The following DPP6 variants were observed in gnomAD, a reference collection of about 807,000 sequenced individuals.
DPP6 encodes the protein A-type potassium channel modulatory protein DPP6.
Under a neutral mutation model 122.6 loss-of-function variants are expected in DPP6, and 69 were observed. The observed-to-expected ratio is 0.56, with a 90% confidence interval of 0.46 to 0.69. The LOEUF (loss-of-function observed/expected upper bound fraction) is 0.69, where lower values mean the gene tolerates loss of function less well. DPP6 is among the 30% of genes least tolerant of loss of function. DPP6 has a pLI of 0.00. For synonymous variants in DPP6, 418 were observed against 433.1 expected, an observed-to-expected ratio of 0.97 and a Z score of 0.43; for missense variants, 928 against 1,116.9, an observed-to-expected ratio of 0.83 and a Z score of 2.41.
rs1486498201 is a variant in DPP6 at position 153,969,443 on chromosome 7, T to A, written c.51+81709T>A. ...ATTGCTTATTTTTAAAATTACTTTC[T>A]TTGCTTTTAAGCTTTAATAGTGTTA... On this transcript the variant is annotated intron_variant, in intron 1 of 25. Transcript: ENST00000404039. 3.4e-5 allele frequency among the ~76,000 whole-genome samples: 5 copies of A among 147,458 alleles called. No individual in the cohort carries two copies. In the East Asian group the frequency reaches 9.7e-4, roughly 29 times the overall value.
At chr7:154,003,786 G>A (rs1296633415) in intron 1 of DPP6, among the ~76,000 whole-genome samples, 1 of 152,110 alleles carries the variant, frequency 6.6e-6, no homozygotes, top group Non-Finnish European at 1.5e-5. Context: ...TCTGCCTCCT[G>A]GGACTGGGAG....
intron 1 of DPP6, among the ~76,000 whole-genome samples, chr7:153,951,671 A>G (rs1157876417): frequency 6.6e-6 from 1 of 152,110 alleles, no homozygotes; most frequent in African/African-American, 2.4e-5. Context: ...TCTGGATACT[A>G]TCCTAAACCT....
intron 1 of DPP6, among the ~76,000 whole-genome samples, chr7:154,332,214 G>T (rs1809008218): frequency 1.3e-5 from 2 of 152,008 alleles, no homozygotes; most frequent in African/African-American, 4.8e-5. Flanking sequence ...TGGGATTACA[G>T]GCACATGCCA....
intron 1 of DPP6, among the ~76,000 whole-genome samples, chr7:154,227,979 TA>T (rs1214548181): frequency 6.6e-6 from 1 of 152,204 alleles, no homozygotes. Flanking sequence ...AAATCAATAA[TA>T]ATGAATAATC....
intron 1 of DPP6, among the ~76,000 whole-genome samples, chr7:154,352,692 G>A (rs1350588477): frequency 6.6e-6 from 1 of 151,916 alleles, no homozygotes; most frequent in Non-Finnish European, 1.5e-5. Context: ...TGGGGTAAGG[G>A]GAGGGAGAAC....
chr7:153,776,554 T>G, the DPP6 span, among the ~76,000 whole-genome samples: 1,299 of 152,284 alleles, frequency 8.5e-3, 16 homozygotes, highest in African/African-American at 0.029. Flanking sequence ...GTCCTGGGTA[T>G]GTCTTTGTTA....
At chr7:153,902,474 C>T (rs978373585) in intron 1 of DPP6, among the ~76,000 whole-genome samples, 19 of 152,142 alleles carry the variant, frequency 1.2e-4, no homozygotes, top group Middle Eastern at 3.4e-3. Context: ...ACAAGATCCC[C>T]GGGTCATAAA....
At chr7:154,712,499 A>C (rs1469475031) in intron 7 of DPP6, among the ~76,000 whole-genome samples, 1 of 152,196 alleles carries the variant, frequency 6.6e-6, no homozygotes, top group African/African-American at 2.4e-5. Flanking sequence ...ATGAAGAAAT[A>C]CCCAAGACTG....
chr7:154,676,398 C>CCT, intron 7 of DPP6, among the ~76,000 whole-genome samples: 1 of 107,800 alleles, frequency 9.3e-6, no homozygotes, highest in African/African-American at 2.8e-5. Context: ...ACAGGTGTTC[C>CCT]GGCTACAGCC....
the DPP6 span, among the ~76,000 whole-genome samples, chr7:153,797,610 G>A: frequency 6.6e-6 from 1 of 152,126 alleles, no homozygotes. Context: ...AGCTGACTCA[G>A]CCTGAATTTC....
Position 154,768,024 on chromosome 7 carries a change from G to A in DPP6, c.884-1393G>A, listed in dbSNP as rs147494247. Among the ~76,000 whole-genome samples the A allele has an allele frequency of 2.7e-3, 417 of 152,342 alleles. 1 individual carries two copies. The highest frequency in any genetic ancestry group is 9.2e-3 in the African/African-American group (383 of 41,580). On this transcript the variant is annotated intron_variant, in intron 8 of 25. Transcript: ENST00000377770. ...AGACATCTGGGCAGGGAGGGGCAGG[G>A]CATGCAGGCACATCACACCCTCAGC...
intron 8 of DPP6, among the ~76,000 whole-genome samples, chr7:154,735,221 T>G (rs1053716991): frequency 2.6e-5 from 4 of 152,130 alleles, no homozygotes; most frequent in African/African-American, 9.7e-5. Context: ...ACGTTTAGAT[T>G]CTCCAAGCTG....
intron 1 of DPP6, among the ~76,000 whole-genome samples, chr7:154,214,854 G>T (rs1378541580): frequency 6.6e-6 from 1 of 152,148 alleles, no homozygotes; most frequent in African/African-American, 2.4e-5. Flanking sequence ...GAAAGTCAAG[G>T]ATGCTGTGAG....
chr7:154,243,354 G>A (rs529318969), intron 1 of DPP6, among the ~76,000 whole-genome samples: 238 of 145,362 alleles, frequency 1.6e-3, no homozygotes, highest in African/African-American at 5.6e-3. Context: ...AGGATTTTAA[G>A]GCAGTTATAA....
intron 5 of DPP6, chr7:154,587,687 A>G: frequency 6.4e-7 from 1 of 1,550,728 alleles, no homozygotes; most frequent in South Asian, 1.2e-5. Context: ...ACATTGCCTC[A>G]TTCAAAATCA....
chr7:154,381,174 A>G (rs1813569861), intron 1 of DPP6, among the ~76,000 whole-genome samples: 1 of 152,052 alleles, frequency 6.6e-6, no homozygotes, highest in Admixed American at 6.5e-5. Flanking sequence ...ACTTTCATAC[A>G]TGTCACTGCC....
intron 5 of DPP6, among the ~76,000 whole-genome samples, chr7:154,590,156 T>A (rs764192269): frequency 3.9e-5 from 6 of 152,122 alleles, no homozygotes; most frequent in African/African-American, 1.4e-4. Flanking sequence ...TATAATAAGA[T>A]GTACAAAGCA....
intron 10 of DPP6, 177 bp from the exon 11 acceptor site, chr7:154,793,902 C>T: frequency 9.9e-7 from 1 of 1,006,958 alleles, no homozygotes; most frequent in Non-Finnish European, 1.4e-6. Flanking sequence ...CCCTCAGAGT[C>T]CCGCGCCAGT....
At chr7:154,037,203 G>C (rs1445002595) in intron 1 of DPP6, among the ~76,000 whole-genome samples, 7 of 152,154 alleles carry the variant, frequency 4.6e-5, no homozygotes, top group Admixed American at 2.0e-4. Context: ...CCAGGAACCA[G>C]AGAGGAGAGA....
Sources: gnomAD v4.1 joint callset for allele counts (sites outside exome capture counted in the v4.1 genomes callset) on GRCh38, gnomAD v4.1.1 for gene constraint, MANE v1.5 for transcripts, NCBI Gene and HGNC (gene_info 2026-07-23, HGNC 2026-07-21) for gene names.